The following PBX3 variants were observed in gnomAD, a reference collection of about 807,000 sequenced individuals.
The protein encoded by PBX3 is PBX homeobox 3.
A neutral mutation model predicts 48.5 loss-of-function variants in PBX3; 14 were observed. The ratio of observed to expected loss-of-function variants is 0.29; its 90% CI spans 0.19 to 0.45. The LOEUF is 0.45. Ranked by LOEUF, PBX3 falls within the 20% of genes least tolerant of loss-of-function variation. The pLI, the probability that PBX3 is intolerant of heterozygous loss-of-function variation, is 1.00. For synonymous variants in PBX3, 210 were observed against 200.3 expected (o/e 1.05, Z -0.41); for missense variants, 386 against 546.7 (o/e 0.71, Z 2.93).
chr9:125,928,728 G>T (rs1172586500), intron 3 of PBX3, among the ~76,000 whole-genome samples: 2 of 152,156 alleles, frequency 1.3e-5, no homozygotes, highest in African/African-American at 4.8e-5. Flanking sequence ...GCCTCCCAAT[G>T]TGCTGGGATT....
At chr9:125,783,436 C>T (rs368467015) in intron 2 of PBX3, among the ~76,000 whole-genome samples, 9 of 151,868 alleles carry the variant, frequency 5.9e-5, no homozygotes, top group Admixed American at 1.3e-4. Flanking sequence ...TACAGGTGTA[C>T]GCCACCATGC....
chr9:125,824,708 G>C (rs938191255), intron 2 of PBX3, among the ~76,000 whole-genome samples: 1 of 145,336 alleles, frequency 6.9e-6, no homozygotes, highest in African/African-American at 2.5e-5. Context: ...GAATCAGTTG[G>C]CTTTTTTTTT....
At chr9:125,793,072 G>A (rs1021699242) in intron 2 of PBX3, among the ~76,000 whole-genome samples, 23 of 151,762 alleles carry the variant, frequency 1.5e-4, no homozygotes, top group African/African-American at 5.3e-4. Flanking sequence ...AAATATATTG[G>A]CCAGGTACGG....
At chr9:125,873,137 A>G (rs1840167762) in intron 2 of PBX3, among the ~76,000 whole-genome samples, 1 of 150,048 alleles carries the variant, frequency 6.7e-6, no homozygotes, top group African/African-American at 2.4e-5. Context: ...GTGAGCCAAG[A>G]TTGCGCCACT....
chr9:125,818,280 T>G (rs1183701816), intron 2 of PBX3, among the ~76,000 whole-genome samples: 13 of 151,484 alleles, frequency 8.6e-5, no homozygotes, highest in South Asian at 8.3e-4. Flanking sequence ...TAAAAACATT[T>G]CTTACTTAAG....
chr9:125,852,881 G>T (rs1201874184), intron 2 of PBX3, among the ~76,000 whole-genome samples: 1 of 152,080 alleles, frequency 6.6e-6, no homozygotes, highest in Non-Finnish European at 1.5e-5. Context: ...AATAGTAATA[G>T]ACTTTTTTGT....
rs368837769 is a variant in PBX3, at chr9:125,839,885, C to T, written c.275-75801C>T. ...TCCTGACATCTGATATATGTATACT[C>T]TATTTTGAAGTATTTTGCTCTCTTA... is the stretch of plus-strand genomic sequence containing the variant. On this transcript the variant is annotated intron_variant, in intron 2 of 8. Coordinates refer to ENST00000373489, the MANE Select transcript of PBX3 (RefSeq NM_006195.6). 2.6e-5 allele frequency among the ~76,000 whole-genome samples: 4 copies of T among 152,218 alleles called. No homozygotes were observed. In the South Asian group the frequency reaches 6.2e-4, roughly 24 times the overall value.
chr9:125,861,549 C>CA (rs1564144032), intron 2 of PBX3, among the ~76,000 whole-genome samples: 3 of 152,056 alleles, frequency 2.0e-5, no homozygotes, highest in African/African-American at 7.2e-5. Context: ...CAGCATTACT[C>CA]ATAATAGCCA....
Position 125,962,169 on chromosome 9 carries a change from G to T in PBX3, c.1077G>T (p.Gly359=). 6.2e-7 allele frequency: 1 copy of T among 1,613,274 alleles called. No individual in the cohort carries two copies. Among genetic ancestry groups the T allele is most frequent in the Non-Finnish European group, 8.5e-7 (1 of 1,179,294 alleles). Residue 359 remains glycine, a synonymous_variant, in exon 7 of 9, where the codon GGG becomes GGT. Transcript: ENST00000373489. ...DMFMNMQSLN[G]DSYQGSQVGA... ...TCATGAACATGCAGAGTCTGAATGG[G>T]GATTCTTACCAAGGGTCCCAAGTCG...
intron 2 of PBX3, among the ~76,000 whole-genome samples, chr9:125,826,037 G>T (rs1838797773): frequency 6.6e-6 from 1 of 152,148 alleles, no homozygotes; most frequent in South Asian, 2.1e-4. Flanking sequence ...TTATCTTTGA[G>T]AAAGGCAATA....
chr9:125,795,237 G>A (rs1165919394), intron 2 of PBX3, among the ~76,000 whole-genome samples: 2 of 152,190 alleles, frequency 1.3e-5, no homozygotes, highest in Non-Finnish European at 2.9e-5. Flanking sequence ...TGTATTCTGA[G>A]GTGCATTGTC....
At chr9:125,866,442 T>C (rs574755141) in intron 2 of PBX3, among the ~76,000 whole-genome samples, 1 of 152,352 alleles carries the variant, frequency 6.6e-6, no homozygotes, top group East Asian at 1.9e-4. Context: ...TTAATCTCAT[T>C]CTTTGCACTT....
chr9:125,775,181 T>G (rs975684125), intron 2 of PBX3, among the ~76,000 whole-genome samples: 3 of 152,206 alleles, frequency 2.0e-5, no homozygotes, highest in Admixed American at 2.0e-4. Flanking sequence ...GAGTTCCAAT[T>G]TCTTATCAAC....
intron 2 of PBX3, among the ~76,000 whole-genome samples, chr9:125,786,805 A>T (rs1837469151): frequency 6.6e-6 from 1 of 151,504 alleles, no homozygotes; most frequent in Non-Finnish European, 1.5e-5. Context: ...GCTCACTGCA[A>T]CCTCTGCCTC....
chr9:125,850,652 A>G (rs1839552717), intron 2 of PBX3, among the ~76,000 whole-genome samples: 1 of 152,034 alleles, frequency 6.6e-6, no homozygotes, highest in South Asian at 2.1e-4. Context: ...TAAAGTCAGT[A>G]TTGTACTGAA....
At chr9:125,946,241 C>T (rs990092045) in intron 5 of PBX3, among the ~76,000 whole-genome samples, 4 of 152,038 alleles carry the variant, frequency 2.6e-5, no homozygotes, top group African/African-American at 7.2e-5. Flanking sequence ...AAATCAAATA[C>T]AAAATTTTTT....
intron 2 of PBX3, among the ~76,000 whole-genome samples, chr9:125,845,804 T>C (rs536579858): frequency 6.6e-6 from 1 of 152,074 alleles, no homozygotes; most frequent in Non-Finnish European, 1.5e-5. Flanking sequence ...TTATATATGC[T>C]ACTAAAGAAA....
In PBX3 at chr9:125,803,091, CT is replaced by C. The variant is rs59714151; in HGVS notation, c.274+54488del. 6.3e-3 allele frequency among the ~76,000 whole-genome samples: 681 copies of C among 108,890 alleles called. 3 individuals carry two copies. The highest frequency in any genetic ancestry group is 0.018 in the African/African-American group (485 of 27,702). The allele number at this position is 108,890 out of a possible 152,430, so 71.4% of individuals were successfully genotyped here. A position where few individuals can be genotyped will look rare whatever the true frequency, so the allele number is the denominator to read the frequency against. On this transcript the variant is annotated intron_variant, in intron 2 of 8. Coordinates refer to ENST00000373489, the MANE Select transcript of PBX3 (RefSeq NM_006195.6). ...TTTCAGTGATTTTTCCCACTAATGTCTTTTTTTTTTTTTTTTTTTTGAGTCA... is the reference window on the plus strand; with the variant it reads ...TTTCAGTGATTTTTCCCACTAATGTCTTTTTTTTTTTTTTTTTTTGAGTCA...
At chr9:125,942,912 AT>A (rs1841986507) in intron 5 of PBX3, among the ~76,000 whole-genome samples, 1 of 152,174 alleles carries the variant, frequency 6.6e-6, no homozygotes, top group South Asian at 2.1e-4. Flanking sequence ...GAAGCTTCTG[AT>A]TTTTTTGTTG....
Sources: gnomAD v4.1 joint callset for allele counts (sites outside exome capture counted in the v4.1 genomes callset) on GRCh38, gnomAD v4.1.1 for gene constraint, MANE v1.5 for transcripts, NCBI Gene and HGNC (gene_info 2026-07-23, HGNC 2026-07-21) for gene names.